Variants in ROBO1 observed in about 807,000 individuals in gnomAD.
ROBO1 encodes roundabout guidance receptor 1.
Under a neutral mutation model 195.9 loss-of-function variants are expected in ROBO1, and 149 were observed. The observed-to-expected ratio is 0.76, with a 90% CI of 0.67 to 0.87. The LOEUF (loss-of-function observed/expected upper bound fraction) is 0.87. Among genes scored for constraint, ROBO1 ranks in the 40% least tolerant of loss-of-function variants. The pLI is 0.00. For synonymous variants in ROBO1, 816 were observed against 733.2 expected (o/e 1.11, Z -1.82); for missense variants, 1,933 against 2,068.3 (o/e 0.93, Z 1.27).
intron 29 of ROBO1, among the ~76,000 whole-genome samples, chr3:78,602,960 T>G (rs1193203099): frequency 6.6e-6 from 1 of 152,198 alleles, no homozygotes; most frequent in East Asian, 1.9e-4. Flanking sequence ...ACATCTTAAG[T>G]GTATCCTTTC....
At chr3:79,592,043 T>G (rs1412934897) in intron 1 of ROBO1, among the ~76,000 whole-genome samples, 1 of 151,910 alleles carries the variant, frequency 6.6e-6, no homozygotes, top group African/African-American at 2.4e-5. Context: ...TACTTAAAAA[T>G]TTAGAAGGAT....
intron 4 of ROBO1, among the ~76,000 whole-genome samples, chr3:78,844,737 T>C (rs1003437175): frequency 2.6e-5 from 4 of 152,034 alleles, no homozygotes; most frequent in Non-Finnish European, 5.9e-5. Flanking sequence ...TAAATGCAAA[T>C]TTTTACATAT....
At chr3:79,630,693 C>A (rs1290499166) in intron 1 of ROBO1, among the ~76,000 whole-genome samples, 1 of 151,938 alleles carries the variant, frequency 6.6e-6, no homozygotes, top group Admixed American at 6.6e-5. Context: ...GTAGTCAAAT[C>A]ATCTGTTTGC....
At chr3:79,596,744 A>T (rs1944183016) in intron 1 of ROBO1, among the ~76,000 whole-genome samples, 1 of 152,052 alleles carries the variant, frequency 6.6e-6, no homozygotes, top group African/African-American at 2.4e-5. Flanking sequence ...TTCTCACGAC[A>T]ATTGCAAAAT....
chr3:78,972,659 G>T (rs1488913993), intron 3 of ROBO1, among the ~76,000 whole-genome samples: 2 of 152,294 alleles, frequency 1.3e-5, no homozygotes, highest in Admixed American at 6.5e-5. Context: ...GGGACAAATA[G>T]AAATTTTCTT....
chr3:79,574,563 C>T (rs1055360284), intron 2 of ROBO1, among the ~76,000 whole-genome samples: 1 of 151,906 alleles, frequency 6.6e-6, no homozygotes, highest in South Asian at 2.1e-4. Context: ...TTCCGCTTAC[C>T]AAGTATTATT....
At chr3:79,569,643 A>ATG (rs899373470) in intron 2 of ROBO1, among the ~76,000 whole-genome samples, 1 of 117,300 alleles carries the variant, frequency 8.5e-6, no homozygotes, top group African/African-American at 4.5e-5. Context: ...ATATGTATAG[A>ATG]TATGTGTGTG....
At chr3:79,609,945 A>G (rs1158803979) in intron 1 of ROBO1, among the ~76,000 whole-genome samples, 1 of 151,910 alleles carries the variant, frequency 6.6e-6, no homozygotes, top group East Asian at 1.9e-4. Context: ...TTGAACCACA[A>G]CCTGAATGAA....
intron 2 of ROBO1, among the ~76,000 whole-genome samples, chr3:79,509,341 A>G (rs1940576187): frequency 6.6e-6 from 1 of 151,882 alleles, no homozygotes; most frequent in African/African-American, 2.4e-5. Flanking sequence ...CTCTCTTTTT[A>G]ATGTTCCTGC....
At chr3:78,760,488 A>G (rs1420205122) in intron 4 of ROBO1, among the ~76,000 whole-genome samples, 1 of 152,136 alleles carries the variant, frequency 6.6e-6, no homozygotes, top group Non-Finnish European at 1.5e-5. Flanking sequence ...TCAGCCTCCA[A>G]AAATTTGGCA....
intron 4 of ROBO1, among the ~76,000 whole-genome samples, chr3:78,773,914 T>C (rs1427343598): frequency 1.3e-5 from 2 of 152,232 alleles, no homozygotes; most frequent in Non-Finnish European, 2.9e-5. Flanking sequence ...ATGTCTTGTT[T>C]ATCTCTGGAT....
At chr3:78,791,361 C>T (rs333504) in intron 4 of ROBO1, among the ~76,000 whole-genome samples, 146,550 of 152,216 alleles carry the variant, frequency 0.96, 70,803 homozygotes, top group East Asian at 1. Flanking sequence ...CAGTAAGGCA[C>T]GGCAAAAAAT....
rs200298017 is a variant in ROBO1 at position 79,291,696 on chromosome 3, T to C, written c.89-166157A>G. ...GCAGGTTGTAAATAGATTATTGTTATATAAATCCTTGTGAATTCTGGTTAC... is the reference window on the plus strand; with the variant it reads ...GCAGGTTGTAAATAGATTATTGTTACATAAATCCTTGTGAATTCTGGTTAC... On this transcript the variant is annotated intron_variant, in intron 2 of 30. Coordinates refer to ENST00000464233, the MANE Select transcript of ROBO1 (RefSeq NM_002941.4). Among the ~76,000 whole-genome samples, 6 of 152,192 alleles carry C rather than the reference T, an allele frequency of 3.9e-5. No individual in the cohort carries two copies. In the East Asian group the frequency reaches 9.6e-4, roughly 24 times the overall value.
intron 2 of ROBO1, among the ~76,000 whole-genome samples, chr3:79,539,984 C>A (rs1942005834): frequency 1.3e-5 from 2 of 151,978 alleles, no homozygotes; most frequent in African/African-American, 4.8e-5. Context: ...TATAATAATT[C>A]ACTTACTAAT....
chr3:79,681,921 C>T (rs1021628341), intron 1 of ROBO1, among the ~76,000 whole-genome samples: 3 of 152,028 alleles, frequency 2.0e-5, no homozygotes, highest in East Asian at 1.9e-4. Context: ...AAACATCAAT[C>T]GTTTATCATA....
intron 2 of ROBO1, among the ~76,000 whole-genome samples, chr3:79,340,253 T>C (rs2034854776): frequency 6.6e-6 from 1 of 152,216 alleles, no homozygotes; most frequent in South Asian, 2.1e-4. Flanking sequence ...CTAATTCCAT[T>C]TCTTTGCCCA....
chr3:78,812,794 T>C (rs139848542), intron 4 of ROBO1, among the ~76,000 whole-genome samples: 81 of 152,238 alleles, frequency 5.3e-4, no homozygotes, highest in Non-Finnish European at 9.7e-4. Context: ...TATAATACAA[T>C]TGAACTATAA....
chr3:78,957,228 A>T (rs1001333386), intron 3 of ROBO1, among the ~76,000 whole-genome samples: 1 of 151,274 alleles, frequency 6.6e-6, no homozygotes, highest in South Asian at 2.1e-4. Flanking sequence ...GCATTCATTT[A>T]TTCACTCGAA....
intron 2 of ROBO1, among the ~76,000 whole-genome samples, chr3:79,183,903 G>A (rs912009614): frequency 5.3e-5 from 8 of 152,300 alleles, no homozygotes; most frequent in African/African-American, 1.4e-4. Context: ...GACTTAAGAA[G>A]AACAAGGGAA....
Sources: gnomAD v4.1 joint callset for allele counts (sites outside exome capture counted in the v4.1 genomes callset) on GRCh38, gnomAD v4.1.1 for gene constraint, MANE v1.5 for transcripts, NCBI Gene and HGNC (gene_info 2026-07-23, HGNC 2026-07-21) for gene names.